Variants in SEPTIN9 observed in about 807,000 individuals in gnomAD.
SEPTIN9 encodes the protein septin-9.
A neutral mutation model predicts 56.6 loss-of-function variants in SEPTIN9; 13 were observed. The ratio of observed to expected loss-of-function variants is 0.23; its 90% confidence interval spans 0.15 to 0.37. The LOEUF is 0.37. Ranked by LOEUF, SEPTIN9 falls within the 10% of genes least tolerant of loss-of-function variation. The pLI is 1.00. For missense variants in SEPTIN9, 650 were observed against 823.1 expected, an observed-to-expected ratio of 0.79 and a Z score of 2.57; for synonymous variants, 332 against 334.1, an observed-to-expected ratio of 0.99 and a Z score of 0.07.
intron 3 of SEPTIN9, among the ~76,000 whole-genome samples, chr17:77,438,524 C>T (rs1323919273): frequency 2.6e-5 from 4 of 152,320 alleles, no homozygotes; most frequent in Non-Finnish European, 4.4e-5. Flanking sequence ...ATGATCCACA[C>T]GGGCCCGCTG....
At chr17:77,363,074 G>A (rs1036728748) in intron 2 of SEPTIN9, among the ~76,000 whole-genome samples, 3 of 152,204 alleles carry the variant, frequency 2.0e-5, no homozygotes, top group African/African-American at 4.8e-5. Flanking sequence ...CGGCGGCCCC[G>A]GCCTTGCTGA....
Position 77,445,525 on chromosome 17 carries a change from C to T in SEPTIN9, c.722-36619C>T, listed in dbSNP as rs1022213546. 2 of 403,666 alleles carry T rather than the reference C, an allele frequency of 5.0e-6. No individual in the cohort carries two copies. Among genetic ancestry groups the T allele is most frequent in the South Asian group, 1.9e-5 (1 of 52,306 alleles). The allele number at this position is 403,666 out of a possible 1,614,324, so 25.0% of individuals were successfully genotyped here. On this transcript the variant is annotated intron_variant, in intron 3 of 11. Coordinates refer to ENST00000427177, the MANE Select transcript of SEPTIN9 (RefSeq NM_001113491.2). The surrounding 1 kb of genome is among the most constrained non-coding windows in gnomAD (Gnocchi z 4.7). The stretch of plus-strand genomic sequence containing the variant: ...GGGGGTTGGTGCATGTGTGCACGCA[C>T]GTGTGTGTGTGTGTGCGTGCGTGCT...
At chr17:77,488,660 G>A in intron 6 of SEPTIN9, 67 bp from the exon 7 acceptor site, 1 of 1,603,654 alleles carries the variant, frequency 6.2e-7, no homozygotes, top group Admixed American at 1.7e-5. Context: ...CTGAGTCCTG[G>A]GAATGCACGA....
chr17:77,385,647 G>A (rs951030630), intron 2 of SEPTIN9, among the ~76,000 whole-genome samples: 10 of 152,264 alleles, frequency 6.6e-5, no homozygotes, highest in African/African-American at 2.2e-4. Flanking sequence ...AGGCCGGAAA[G>A]TGTCACATTC....
At chr17:77,406,003 G>C (rs559389808) in intron 3 of SEPTIN9, among the ~76,000 whole-genome samples, 8 of 152,230 alleles carry the variant, frequency 5.3e-5, no homozygotes, top group African/African-American at 1.9e-4. Flanking sequence ...CTGAGCAGAC[G>C]CCCAGCCCCT....
chr17:77,296,160 G>T (rs1442337447), intron 1 of SEPTIN9, among the ~76,000 whole-genome samples: 1 of 152,112 alleles, frequency 6.6e-6, no homozygotes, highest in Admixed American at 6.5e-5. Context: ...AGGAAGAGGG[G>T]CCTCGCCGGG....
chr17:77,290,405 C>A (rs1426838252), intron 1 of SEPTIN9, among the ~76,000 whole-genome samples: 1 of 151,844 alleles, frequency 6.6e-6, no homozygotes, highest in Non-Finnish European at 1.5e-5. Flanking sequence ...CTACAGGCAC[C>A]CGCCCCCACG....
intron 3 of SEPTIN9, among the ~76,000 whole-genome samples, chr17:77,440,112 A>C (rs963718163): frequency 1.3e-5 from 2 of 152,122 alleles, no homozygotes; most frequent in Non-Finnish European, 2.9e-5. Context: ...GCACATTGCG[A>C]CAAAACACTC....
At chr17:77,356,302 T>C (rs1243103418) in intron 2 of SEPTIN9, among the ~76,000 whole-genome samples, 1 of 152,106 alleles carries the variant, frequency 6.6e-6, no homozygotes, top group Non-Finnish European at 1.5e-5. Flanking sequence ...CTCCCTGCCT[T>C]GGGAGACCCG....
chr17:77,430,457 C>T (rs1037898586), intron 3 of SEPTIN9, among the ~76,000 whole-genome samples: 3 of 152,154 alleles, frequency 2.0e-5, no homozygotes, highest in Non-Finnish European at 4.4e-5. Context: ...TGGCTGAACC[C>T]ACATGCTCCC....
intron 3 of SEPTIN9, among the ~76,000 whole-genome samples, chr17:77,414,810 T>C (rs1001228228): frequency 6.6e-6 from 1 of 152,156 alleles, no homozygotes; most frequent in African/African-American, 2.4e-5. Context: ...ACTCCTGGGC[T>C]CAAATGATCC....
In SEPTIN9 at chr17:77,429,976, TG is replaced by T. The variant is rs2144272718; in HGVS notation, c.721+27278del. ...GGCTTCCCTGTAGGACAGCAGACCC[TG>T]GGGGTTGGCTCTGATGGTATTCACC... On this transcript the variant is annotated intron_variant, in intron 3 of 11. Transcript: ENST00000427177. The surrounding 1 kb of genome is among the most constrained non-coding windows in gnomAD (Gnocchi z 5.2). Among the ~76,000 whole-genome samples the T allele has an allele frequency of 6.6e-6, 1 of 152,304 alleles. No homozygotes were observed. Among genetic ancestry groups the T allele is most frequent in the South Asian group, 2.1e-4 (1 of 4,830 alleles).
intron 2 of SEPTIN9, among the ~76,000 whole-genome samples, chr17:77,336,978 ATGAT>A (rs2033574123): frequency 6.7e-6 from 1 of 149,698 alleles, no homozygotes; most frequent in Non-Finnish European, 1.5e-5. Flanking sequence ...ATAAATTACA[ATGAT>A]TGATTTTTGC....
chr17:77,378,832 A>G (rs1352174560), intron 2 of SEPTIN9, among the ~76,000 whole-genome samples: 1 of 151,774 alleles, frequency 6.6e-6, no homozygotes, highest in Non-Finnish European at 1.5e-5. Context: ...CTTCCCTGCC[A>G]CCATCTACCC....
intron 2 of SEPTIN9, among the ~76,000 whole-genome samples, chr17:77,370,713 G>A (rs1475584076): frequency 1.3e-5 from 2 of 152,142 alleles, no homozygotes; most frequent in African/African-American, 2.4e-5. Flanking sequence ...TGCTGCCGGC[G>A]TGCATCTTCT....
chr17:77,452,765 A>G (rs1411629255), intron 3 of SEPTIN9, among the ~76,000 whole-genome samples: 1 of 151,372 alleles, frequency 6.6e-6, no homozygotes, highest in African/African-American at 2.4e-5. Flanking sequence ...CTTGAAACTT[A>G]ATGGGGCCAC....
intron 2 of SEPTIN9, among the ~76,000 whole-genome samples, chr17:77,309,966 G>C (rs2032424667): frequency 6.6e-6 from 1 of 151,756 alleles, no homozygotes; most frequent in Non-Finnish European, 1.5e-5. Context: ...TGGTGTGTCT[G>C]AGAAGCCTAG....
chr17:77,463,293 C>T lies in SEPTIN9; in HGVS notation c.722-18851C>T, dbSNP rs73375394. 2.5e-3 allele frequency among the ~76,000 whole-genome samples: 381 copies of T among 152,222 alleles called. 2 individuals carry two copies. The highest frequency in any genetic ancestry group is 8.8e-3 in the African/African-American group (364 of 41,544). ...CCAAGCCCTGTTGCCTTCAACTGAT[C>T]GGGTGAGGCCCACCCCCATCAGAGC... is the stretch of plus-strand genomic sequence containing the variant. On this transcript the variant is annotated intron_variant, in intron 3 of 11. Transcript: ENST00000427177.
intron 2 of SEPTIN9, among the ~76,000 whole-genome samples, chr17:77,341,445 C>T (rs1490490025): frequency 1.3e-5 from 2 of 152,190 alleles, no homozygotes; most frequent in South Asian, 2.1e-4. Flanking sequence ...GGATGTGGCT[C>T]GTCATGCCCC....
Sources: allele counts gnomAD v4.1 joint callset (sites outside exome capture counted in the v4.1 genomes callset), GRCh38; gene constraint gnomAD v4.1.1; non-coding constraint Gnocchi (gnomAD v3.1); transcripts MANE v1.5; gene names NCBI Gene and HGNC (gene_info 2026-07-23, HGNC 2026-07-21).